The following AVL9 variants were observed in gnomAD, a reference collection of about 807,000 sequenced individuals.
The protein encoded by AVL9 is AVL9 cell migration associated, also known as late secretory pathway protein AVL9 homolog.
Under a neutral mutation model 79.2 loss-of-function variants are expected in AVL9, and 49 were observed. That is an observed-to-expected ratio of 0.62 (90% CI 0.49 to 0.79). AVL9 has a LOEUF of 0.79. Ranked by LOEUF, AVL9 falls within the 30% of genes least tolerant of loss-of-function variation. The pLI is 0.00. For missense variants in AVL9, 682 were observed against 776.8 expected, an observed-to-expected ratio of 0.88 and a Z score of 1.45; for synonymous variants, 299 against 280.6, an observed-to-expected ratio of 1.07 and a Z score of -0.65.
chr7:32,553,636 T>A (rs1277311091), intron 6 of AVL9, 91 bp from the exon 7 acceptor site: 14 of 872,004 alleles, frequency 1.6e-5, no homozygotes, highest in Middle Eastern at 2.3e-4. Context: ...TTTTTTTTTT[T>A]AACCTTTCTT....
At chr7:32,550,112 A>G (rs1789743352) in intron 4 of AVL9, among the ~76,000 whole-genome samples, 1 of 152,162 alleles carries the variant, frequency 6.6e-6, no homozygotes, top group African/African-American at 2.4e-5. Flanking sequence ...CCAGATATTA[A>G]AGGAAGTGCA....
intron 1 of AVL9, among the ~76,000 whole-genome samples, chr7:32,497,260 C>T (rs1432120020): frequency 3.3e-5 from 5 of 152,090 alleles, no homozygotes; most frequent in Non-Finnish European, 7.4e-5. Flanking sequence ...GAGGCTGAGG[C>T]ACGAGAATTG....
intron 1 of AVL9, among the ~76,000 whole-genome samples, chr7:32,508,939 T>A (rs1022846993): frequency 2.0e-5 from 3 of 152,256 alleles, no homozygotes; most frequent in Admixed American, 6.5e-5. Flanking sequence ...CTCTTGACCC[T>A]TTACATTTCC....
At chr7:32,556,617 CAA>C (rs1187770413) in intron 8 of AVL9, among the ~76,000 whole-genome samples, 1 of 151,672 alleles carries the variant, frequency 6.6e-6, no homozygotes, top group African/African-American at 2.4e-5. Flanking sequence ...TGTGGTATTT[CAA>C]AAAATTTTAT....
At position 32,557,190 on chromosome 7, in the gene AVL9, GA is replaced by G. The variant is rs200491432; in HGVS notation, c.610-1368del. Among the ~76,000 whole-genome samples, 1,088 of 152,062 alleles carry G rather than the reference GA, an allele frequency of 7.2e-3. 4 individuals are homozygous for G. The highest frequency in any genetic ancestry group is 0.012 in the Non-Finnish European group (790 of 67,996). The stretch of plus-strand genomic sequence containing the variant: ...AGATATGATAATGTCCTTTGTAGCT[GA>G]TGTTTTCTTTTTTTATTATTATTTA... On this transcript the variant is annotated intron_variant, in intron 8 of 15. Coordinates refer to ENST00000318709, the MANE Select transcript of AVL9 (RefSeq NM_015060.3).
intron 14 of AVL9, 64 bp from the exon 15 acceptor site, chr7:32,580,738 T>C (rs932467787): frequency 2.8e-6 from 3 of 1,084,280 alleles, no homozygotes; most frequent in Non-Finnish European, 4.2e-6. Context: ...TATGTGTCTG[T>C]GTGCGTGTGT....
chr7:32,527,576 C>T (rs774092969), intron 1 of AVL9, among the ~76,000 whole-genome samples: 77 of 152,064 alleles, frequency 5.1e-4, no homozygotes, highest in Middle Eastern at 3.4e-3. Context: ...GTAATGAATG[C>T]CTGGCCATGT....
intron 10 of AVL9, among the ~76,000 whole-genome samples, chr7:32,564,715 CCTT>C (rs1264851534): frequency 6.6e-5 from 10 of 152,104 alleles, no homozygotes; most frequent in Admixed American, 5.9e-4. Context: ...TCTAAAATAT[CCTT>C]CTCAGGAAAG....
chr7:32,500,866 C>A (rs917488614), intron 1 of AVL9, among the ~76,000 whole-genome samples: 2 of 152,158 alleles, frequency 1.3e-5, no homozygotes, highest in East Asian at 3.8e-4. Flanking sequence ...AATAGGGAAT[C>A]TTTTCCCCAT....
chr7:32,570,177 G>A (rs770434174), intron 11 of AVL9, 23 bp downstream of exon 11: 1 of 1,613,410 alleles, frequency 6.2e-7, no homozygotes, highest in Non-Finnish European at 8.5e-7. Flanking sequence ...GTGAGTGTGT[G>A]TATTTGGCCC....
rs1193535891 is a variant in AVL9, at chr7:32,588,048, A to G, written c.*4141A>G. On this transcript the variant is annotated 3_prime_UTR_variant, in exon 16 of 16. Transcript: ENST00000318709. ...TACATTTGTATTTCTGTGCTGTTCT[A>G]AAGTTTACCTTTTTACTTATATGAA... 6.6e-6 allele frequency: 1 copy of G among 152,200 alleles called. No individual in the cohort carries two copies. Among genetic ancestry groups the G allele is most frequent in the African/African-American group, 2.4e-5 (1 of 41,462 alleles). The allele number at this position is 152,200 out of a possible 1,614,324, so 9.4% of individuals were successfully genotyped here.
At chr7:32,498,752 A>G (rs1583474266) in intron 1 of AVL9, among the ~76,000 whole-genome samples, 1 of 151,782 alleles carries the variant, frequency 6.6e-6, no homozygotes, top group African/African-American at 2.4e-5. Context: ...GAGTTCTACC[A>G]TAACATTTAA....
intron 3 of AVL9, among the ~76,000 whole-genome samples, chr7:32,548,151 C>T (rs114771340): frequency 0.015 from 1,971 of 130,656 alleles, 67 homozygotes; most frequent in African/African-American, 0.057. Flanking sequence ...TCTCTTTTTT[C>T]TTTTTTTTTT....
chr7:32,556,777 A>G (rs1382632125), intron 8 of AVL9, among the ~76,000 whole-genome samples: 2 of 151,866 alleles, frequency 1.3e-5, no homozygotes, highest in African/African-American at 4.8e-5. Flanking sequence ...ATTCCTTTTT[A>G]TTTTTTGAGA....
In AVL9 at chr7:32,585,564, G is replaced by GA. The variant is rs1791740453; in HGVS notation, c.*1657_*1658insA. 6.6e-6 allele frequency: 1 copy of GA among 152,160 alleles called. No homozygotes were observed. The highest frequency in any genetic ancestry group is 1.5e-5 in the Non-Finnish European group (1 of 68,030). 9.4% of individuals were successfully genotyped at this position (152,160 alleles called of 1,614,324 possible). A position where few individuals can be genotyped will look rare whatever the true frequency, so the allele number is the denominator to read the frequency against. On this transcript the variant is annotated 3_prime_UTR_variant, in exon 16 of 16. Coordinates refer to ENST00000318709, the MANE Select transcript of AVL9 (RefSeq NM_015060.3). Reference sequence around the variant, plus strand: ...AGTATGATCTATCCCAGATTGCTGGGGAAATAAAGGAGGGCCCTGATTATA... The same window carrying GA: ...AGTATGATCTATCCCAGATTGCTGGGAGAAATAAAGGAGGGCCCTGATTATA...
chr7:32,506,397 TA>T (rs1204352995), intron 1 of AVL9, among the ~76,000 whole-genome samples: 1 of 152,080 alleles, frequency 6.6e-6, no homozygotes, highest in East Asian at 1.9e-4. Flanking sequence ...ATCCGATAAC[TA>T]AGATGGCTGT....
chr7:32,552,422 G>A lies in AVL9; in HGVS notation c.529+127G>A, dbSNP rs528835193. The A allele has an allele frequency of 5.7e-5, 33 of 582,150 alleles. No homozygotes were observed. In the African/African-American group the frequency reaches 6.0e-4, roughly 11 times the overall value. The allele number at this position is 582,150 out of a possible 1,614,324, so 36.1% of individuals were successfully genotyped here. On this transcript the variant is annotated intron_variant, in intron 6 of 15. Coordinates refer to ENST00000318709, the MANE Select transcript of AVL9 (RefSeq NM_015060.3). ...GGATCTAAATTCTTCAACATTTGAT[G>A]CTGTTTCTTCCTTAAATATCTTCTT...
chr7:32,553,490 G>C (rs1474334306), intron 6 of AVL9, among the ~76,000 whole-genome samples: 1 of 152,054 alleles, frequency 6.6e-6, no homozygotes, highest in Admixed American at 6.6e-5. Context: ...CTCTGTATTG[G>C]CTACTGTATT....
At chr7:32,566,371 A>G (rs1045370180) in intron 10 of AVL9, among the ~76,000 whole-genome samples, 2 of 148,256 alleles carry the variant, frequency 1.3e-5, no homozygotes, top group African/African-American at 5.0e-5. Flanking sequence ...GTTTCATCAT[A>G]TTGTCCAGGC....
Sources: gnomAD v4.1 joint callset for allele counts (sites outside exome capture counted in the v4.1 genomes callset) on GRCh38, gnomAD v4.1.1 for gene constraint, MANE v1.5 for transcripts, NCBI Gene and HGNC (gene_info 2026-07-23, HGNC 2026-07-21) for gene names.